HNF4G: variants seen among roughly 807,000 people sequenced by gnomAD.
HNF4G encodes hepatocyte nuclear factor 4-gamma.
HNF4G carries 21 observed loss-of-function variants against 50.9 expected under a neutral mutation model. That is an observed-to-expected ratio of 0.41 (90% CI 0.29 to 0.59). HNF4G has a LOEUF of 0.59. Among genes scored for constraint, HNF4G ranks in the 20% least tolerant of loss-of-function variants. HNF4G has a pLI of 0.26. For synonymous variants in HNF4G, 198 were observed against 185.6 expected, an observed-to-expected ratio of 1.07 and a Z score of -0.54; for missense variants, 527 against 559.4, an observed-to-expected ratio of 0.94 and a Z score of 0.58.
intron 2 of HNF4G, among the ~76,000 whole-genome samples, chr8:75,517,669 C>T (rs1032590592): frequency 1.2e-4 from 18 of 152,200 alleles, no homozygotes; most frequent in African/African-American, 4.3e-4. Context: ...AGCTCCACCC[C>T]TGTGGCTTTG....
chr8:75,560,145 A>G (rs1039737309), intron 8 of HNF4G, among the ~76,000 whole-genome samples, 199 bp from the exon 9 acceptor site: 1 of 152,226 alleles, frequency 6.6e-6, no homozygotes, highest in Non-Finnish European at 1.5e-5. Flanking sequence ...ATATGATGCA[A>G]CATTAATCTA....
chr8:75,498,680 C>G (rs968281176), intron 2 of HNF4G, among the ~76,000 whole-genome samples: 2 of 151,728 alleles, frequency 1.3e-5, no homozygotes, highest in Admixed American at 1.3e-4. Flanking sequence ...AAGCCAAATA[C>G]AACAACAGAA....
intron 2 of HNF4G, among the ~76,000 whole-genome samples, chr8:75,522,655 C>T (rs546690905): frequency 1.2e-4 from 18 of 152,256 alleles, no homozygotes; most frequent in Admixed American, 1.0e-3. Flanking sequence ...TAGCATCTTT[C>T]TCCCTCAGTT....
intron 1 of HNF4G, among the ~76,000 whole-genome samples, chr8:75,413,287 AGAG>A (rs1810544893): frequency 8.0e-6 from 1 of 125,258 alleles, no homozygotes. Flanking sequence ...AAGGGAGAGG[AGAG>A]GAGGACAGGA....
chr8:75,553,282 C>A (rs553731099), intron 5 of HNF4G, 85 bp downstream of exon 5: 3 of 1,144,814 alleles, frequency 2.6e-6, no homozygotes, highest in African/African-American at 3.1e-5. Flanking sequence ...ATTTGTAATG[C>A]ATATTCTATA....
intron 1 of HNF4G, among the ~76,000 whole-genome samples, chr8:75,479,680 G>A (rs1208066256): frequency 6.6e-6 from 1 of 150,866 alleles, no homozygotes; most frequent in African/African-American, 2.4e-5. Context: ...TTAGAAACTG[G>A]ATAACAAGAG....
intron 9 of HNF4G, among the ~76,000 whole-genome samples, 173 bp from the exon 10 acceptor site, chr8:75,563,802 C>T (rs1381358915): frequency 1.3e-5 from 2 of 152,086 alleles, no homozygotes; most frequent in African/African-American, 4.8e-5. Context: ...GGTGAGAGTA[C>T]TCTCTAACAG....
At chr8:75,467,853 C>G (rs1812021804) in intron 1 of HNF4G, among the ~76,000 whole-genome samples, 1 of 152,058 alleles carries the variant, frequency 6.6e-6, no homozygotes, top group Non-Finnish European at 1.5e-5. Context: ...GAGTCCTAAT[C>G]TGGACCATGG....
chr8:75,553,929 G>T (rs1807042478), intron 5 of HNF4G, among the ~76,000 whole-genome samples: 1 of 151,886 alleles, frequency 6.6e-6, no homozygotes, highest in Admixed American at 6.6e-5. Context: ...AAGTATTTTG[G>T]TTTCAGATTC....
At chr8:75,508,172 A>T (rs1378271279) in intron 2 of HNF4G, among the ~76,000 whole-genome samples, 1 of 152,162 alleles carries the variant, frequency 6.6e-6, no homozygotes, top group African/African-American at 2.4e-5. Flanking sequence ...TATACAGAAA[A>T]ATCCATCCTT....
At chr8:75,549,782 C>G (rs1221671261) in intron 3 of HNF4G, among the ~76,000 whole-genome samples, 6 of 151,920 alleles carry the variant, frequency 3.9e-5, no homozygotes, top group Admixed American at 2.6e-4. Context: ...ACAACAGTCC[C>G]CAGAGTGTGA....
In HNF4G at chr8:75,558,823, A is replaced by T. The variant is rs1807212249; in HGVS notation, c.909A>T (p.Pro303=). The T allele has an allele frequency of 1.2e-6, 2 of 1,614,054 alleles. No individual in the cohort carries two copies. Among genetic ancestry groups the T allele is most frequent in the Admixed American group, 1.7e-5 (1 of 60,016 alleles). The change falls in exon 8 of 10, where the codon CCA becomes CCT. Residue 303 remains proline, a synonymous_variant. Transcript: ENST00000396423. ...TAGATGCAAAAGGGCTAAGCGATCC[A>T]GTAAAAATTAAGAACATGAGGTTCC... The part of the protein sequence containing the change: ...FDPDAKGLSD[P]VKIKNMRFQV...
intron 9 of HNF4G, among the ~76,000 whole-genome samples, chr8:75,562,484 G>A (rs2977944): frequency 0.54 from 81,280 of 151,816 alleles, 22,885 homozygotes; most frequent in African/African-American, 0.72. Flanking sequence ...GAAAGAGAGG[G>A]GCAAGCCTAA....
At chr8:75,525,869 T>A (rs1489956805) in intron 2 of HNF4G, among the ~76,000 whole-genome samples, 31 of 152,116 alleles carry the variant, frequency 2.0e-4, no homozygotes, top group Admixed American at 2.0e-3. Context: ...GAATGAACCT[T>A]AGAGAATGTT....
At chr8:75,444,458 T>G (rs1218978131) in intron 1 of HNF4G, among the ~76,000 whole-genome samples, 13 of 135,672 alleles carry the variant, frequency 9.6e-5, no homozygotes, top group East Asian at 2.2e-4. Flanking sequence ...TGGACTAAAT[T>G]CTCCAATTAA....
chr8:75,414,828 G>A (rs547482259), intron 1 of HNF4G, among the ~76,000 whole-genome samples: 1 of 152,138 alleles, frequency 6.6e-6, no homozygotes, highest in East Asian at 1.9e-4. Flanking sequence ...CCAGGTTTTG[G>A]CTATCACAAA....
At chr8:75,454,101 T>TTCTCCCTC (rs1456752085) in intron 1 of HNF4G, among the ~76,000 whole-genome samples, 1 of 130,460 alleles carries the variant, frequency 7.7e-6, no homozygotes, top group East Asian at 2.7e-4. Flanking sequence ...CTCTCTTCCT[T>TTCTCCCTC]TCTCCCTCTC....
chr8:75,445,614 C>T, intron 1 of HNF4G, among the ~76,000 whole-genome samples: 1 of 96,940 alleles, frequency 1.0e-5, no homozygotes, highest in Non-Finnish European at 1.9e-5. Flanking sequence ...ACTGATCCCA[C>T]AGAAATACAA....
chr8:75,531,692 T>C (rs1806329073), intron 2 of HNF4G, among the ~76,000 whole-genome samples: 1 of 152,008 alleles, frequency 6.6e-6, no homozygotes, highest in Non-Finnish European at 1.5e-5. Context: ...AATAAAATAA[T>C]ACAAATAAAT....
Sources: gnomAD v4.1 joint callset for allele counts (sites outside exome capture counted in the v4.1 genomes callset) on GRCh38, gnomAD v4.1.1 for gene constraint, MANE v1.5 for transcripts, NCBI Gene and HGNC (gene_info 2026-07-23, HGNC 2026-07-21) for gene names.